Variants in PGGT1B observed in about 807,000 individuals in gnomAD.
PGGT1B encodes protein geranylgeranyltransferase type I subunit beta, also known as geranylgeranyl transferase type-1 subunit beta.
Under a neutral mutation model 46.1 loss-of-function variants are expected in PGGT1B, and 30 were observed. The ratio of observed to expected loss-of-function variants is 0.65; its 90% CI spans 0.49 to 0.88. PGGT1B has a LOEUF of 0.88. PGGT1B is among the 40% of genes least tolerant of loss of function. The pLI is 0.00. For synonymous variants in PGGT1B, 170 were observed against 160.0 expected (o/e 1.06, Z -0.47); for missense variants, 376 against 455.9 (o/e 0.82, Z 1.60).
intron 7 of PGGT1B, among the ~76,000 whole-genome samples, chr5:115,220,327 G>A (rs1188110402): frequency 6.6e-6 from 1 of 151,782 alleles, no homozygotes; most frequent in African/African-American, 2.4e-5. Context: ...AAACCATTAT[G>A]CTAAGTGAAA....
intron 1 of PGGT1B, 83 bp from the exon 2 acceptor site, chr5:115,253,338 A>C: frequency 8.9e-7 from 1 of 1,125,736 alleles, no homozygotes; most frequent in Non-Finnish European, 1.2e-6. Flanking sequence ...AAATAATAAA[A>C]TCATTCTAAT....
intron 7 of PGGT1B, 105 bp from the exon 8 acceptor site, chr5:115,217,078 G>C (rs1003310498): frequency 1.5e-6 from 1 of 649,292 alleles, no homozygotes; most frequent in Non-Finnish European, 2.8e-6. Context: ...TTTAGCTAAG[G>C]TGCTCAGACC....
Position 115,216,866 on chromosome 5 carries a change from T to C in PGGT1B, c.951A>G (p.Pro317=), listed in dbSNP as rs1344561593. The change falls in exon 8 of 9, where the codon CCA becomes CCG. Residue 317 remains proline (P), a splice_region_variant and synonymous_variant. Transcript: ENST00000419445. The part of the protein sequence containing the change: ...GGFAKWPDSH[P]DALHAYFGIC... ...CTGATTCACAAAGAAAATAATTACC[T>C]GGATGACTGTCTGGCCACTTGGCAA... 2 of 1,444,780 alleles carry C rather than the reference T, an allele frequency of 1.4e-6. No individual in the cohort carries two copies. The highest frequency in any genetic ancestry group is 1.9e-6 in the Non-Finnish European group (2 of 1,028,938). 89.5% of individuals were successfully genotyped at this position (1,444,780 alleles called of 1,614,324 possible). A position where few individuals can be genotyped will look rare whatever the true frequency, so the allele number is the denominator to read the frequency against.
rs1756198278 is a variant in PGGT1B at position 115,210,827 on chromosome 5, A to G, written c.*1575T>C. On this transcript the variant is annotated 3_prime_UTR_variant, in exon 9 of 9. Transcript: ENST00000419445. ...AACTGGAATAACCCATAGACGGATA[A>G]CATCTGTTATTAAGCTTACTTTTTC... is the stretch of plus-strand genomic sequence containing the variant. 6.6e-6 allele frequency: 1 copy of G among 152,060 alleles called. No homozygotes were observed. Among genetic ancestry groups the G allele is most frequent in the African/African-American group, 2.4e-5 (1 of 41,446 alleles). The allele number at this position is 152,060 out of a possible 1,614,324, so 9.4% of individuals were successfully genotyped here.
At chr5:115,251,891 C>T (rs1395225401) in intron 2 of PGGT1B, among the ~76,000 whole-genome samples, 1 of 151,928 alleles carries the variant, frequency 6.6e-6, no homozygotes, top group Admixed American at 6.6e-5. Context: ...TAATAATCAA[C>T]TGTTTAAAAA....
chr5:115,247,800 T>G (rs967764429), intron 2 of PGGT1B, among the ~76,000 whole-genome samples: 1 of 152,172 alleles, frequency 6.6e-6, no homozygotes, highest in Non-Finnish European at 1.5e-5. Flanking sequence ...GACTTAATAA[T>G]ATTTCCCTCA....
intron 1 of PGGT1B, among the ~76,000 whole-genome samples, chr5:115,257,386 C>T (rs1748365457): frequency 6.6e-6 from 1 of 151,922 alleles, no homozygotes; most frequent in South Asian, 2.1e-4. Context: ...TGGTGGTGGG[C>T]ACCTGTAATC....
Position 115,205,935 on chromosome 5 carries a change from A to ATTATAT in PGGT1B, c.*6466_*6467insATATAA, listed in dbSNP as rs1246239064. On this transcript the variant is annotated 3_prime_UTR_variant, in exon 9 of 9. Coordinates refer to ENST00000419445, the MANE Select transcript of PGGT1B (RefSeq NM_005023.4). ...TGTAGTTGTGAAAAATAAGGCACTG[A>ATTATAT]TTAATCAGTGCCTCATTTGCCATTA... is the stretch of plus-strand genomic sequence containing the variant. 3.4e-5 allele frequency: 2 copies of ATTATAT among 59,428 alleles called. No individual in the cohort carries two copies. The highest frequency in any genetic ancestry group is 1.6e-3 in the East Asian group (2 of 1,220). 3.7% of individuals were successfully genotyped at this position (59,428 alleles called of 1,614,324 possible).
At chr5:115,238,454 A>G (rs572239063) in intron 3 of PGGT1B, among the ~76,000 whole-genome samples, 21 of 151,828 alleles carry the variant, frequency 1.4e-4, no homozygotes, top group African/African-American at 5.1e-4. Context: ...CAACAGGCAC[A>G]AACCACCATG....
chr5:115,246,215 G>C lies in PGGT1B; in HGVS notation c.260-4609C>G, dbSNP rs1429280265. The stretch of plus-strand genomic sequence containing the variant: ...TACTAAAAGTACTAAAATTAGCCGG[G>C]TGTGGTGGAGCACACCTTTAGTCCC... On this transcript the variant is annotated intron_variant, in intron 2 of 8. Transcript: ENST00000419445. 3.9e-5 allele frequency among the ~76,000 whole-genome samples: 6 copies of C among 151,988 alleles called. No individual in the cohort carries two copies. The East Asian group carries it at 1.2e-3, about 29-fold the overall frequency.
intron 6 of PGGT1B, among the ~76,000 whole-genome samples, chr5:115,228,872 G>A (rs985857935): frequency 2.0e-5 from 3 of 152,146 alleles, no homozygotes; most frequent in African/African-American, 7.2e-5. Flanking sequence ...TTGAAATACA[G>A]ATCACTCATG....
At chr5:115,213,417 C>A (rs1332514829) in intron 8 of PGGT1B, among the ~76,000 whole-genome samples, 1 of 152,066 alleles carries the variant, frequency 6.6e-6, no homozygotes, top group Non-Finnish European at 1.5e-5. Flanking sequence ...CAGTTTTGTA[C>A]CAGTCAAAAT....
chr5:115,234,576 C>T (rs1410437171), intron 5 of PGGT1B, among the ~76,000 whole-genome samples: 1 of 151,922 alleles, frequency 6.6e-6, no homozygotes, highest in Non-Finnish European at 1.5e-5. Flanking sequence ...AACAAATAAC[C>T]TAATGGTACT....
At chr5:115,262,405 CG>C in intron 1 of PGGT1B, 1 of 367,842 alleles carries the variant, frequency 2.7e-6, no homozygotes, top group South Asian at 3.7e-5. Context: ...CTTTTACACT[CG>C]GAAGTAATGA....
intron 3 of PGGT1B, among the ~76,000 whole-genome samples, chr5:115,240,994 G>A (rs1417598931): frequency 6.6e-6 from 1 of 152,188 alleles, no homozygotes; most frequent in Non-Finnish European, 1.5e-5. Context: ...ATATTGGCAT[G>A]TGCTGGTATC....
chr5:115,261,996 A>C (rs1748573419), intron 1 of PGGT1B, among the ~76,000 whole-genome samples: 1 of 152,218 alleles, frequency 6.6e-6, no homozygotes, highest in African/African-American at 2.4e-5. Context: ...AAACGTGGGG[A>C]AAGAACACAG....
intron 2 of PGGT1B, among the ~76,000 whole-genome samples, chr5:115,244,439 T>C (rs1471447042): frequency 1.0e-5 from 1 of 99,688 alleles, no homozygotes; most frequent in Non-Finnish European, 1.8e-5. Context: ...CACTCCAGCC[T>C]GGGCAACAGA....
At chr5:115,249,543 G>T (rs920190611) in intron 2 of PGGT1B, among the ~76,000 whole-genome samples, 1 of 152,094 alleles carries the variant, frequency 6.6e-6, no homozygotes, top group African/African-American at 2.4e-5. Context: ...TTTGGTGGGA[G>T]TCAGGGTAGA....
At chr5:115,262,616 C>T in intron 1 of PGGT1B, 96 bp downstream of exon 1, 3 of 1,387,800 alleles carry the variant, frequency 2.2e-6, no homozygotes, top group Non-Finnish European at 2.0e-6. Flanking sequence ...GGCCGCGCAG[C>T]CCCCTTCCGG....
Sources: allele counts gnomAD v4.1 joint callset (sites outside exome capture counted in the v4.1 genomes callset), GRCh38; gene constraint gnomAD v4.1.1; transcripts MANE v1.5; gene names NCBI Gene and HGNC (gene_info 2026-07-23, HGNC 2026-07-21).